Variants in BAZ2B observed in about 807,000 individuals in gnomAD.
BAZ2B encodes the protein bromodomain adjacent to zinc finger domain 2B.
A neutral mutation model predicts 246.0 loss-of-function variants in BAZ2B; 91 were observed. The observed-to-expected ratio is 0.37, with a 90% CI of 0.31 to 0.44. The LOEUF (loss-of-function observed/expected upper bound fraction) is 0.44. Ranked by LOEUF, BAZ2B falls within the 20% of genes least tolerant of loss-of-function variation. The pLI is 1.00. For missense variants in BAZ2B, 2,332 were observed against 2,533.7 expected (o/e 0.92, Z 1.71); for synonymous variants, 855 against 860.0 (o/e 0.99, Z 0.10).
chr2:159,345,053 T>A (rs2149080654), intron 31 of BAZ2B, among the ~76,000 whole-genome samples: 2 of 151,842 alleles, frequency 1.3e-5, no homozygotes, highest in African/African-American at 4.8e-5. Context: ...CTACTAAAAA[T>A]ACAGAAATTA....
the BAZ2B span, chr2:159,690,138 G>C: frequency 6.0e-6 from 3 of 496,630 alleles, no homozygotes; most frequent in South Asian, 2.4e-5. Context: ...TGACTCTTGA[G>C]GCCATCAGAT....
intron 2 of BAZ2B, among the ~76,000 whole-genome samples, chr2:159,541,088 A>ATTG (rs2086606655): frequency 6.6e-6 from 1 of 152,178 alleles, no homozygotes; most frequent in African/African-American, 2.4e-5. Flanking sequence ...GGGGTGATAC[A>ATTG]GATGTTAGAT....
intron 2 of BAZ2B, among the ~76,000 whole-genome samples, chr2:159,503,672 C>T (rs1297572619): frequency 4.6e-5 from 7 of 152,022 alleles, no homozygotes; most frequent in African/African-American, 7.2e-5. Flanking sequence ...CTCCCCCTCC[C>T]GGGTTCAAGC....
the BAZ2B span, among the ~76,000 whole-genome samples, chr2:159,631,225 A>G: frequency 6.6e-6 from 1 of 152,210 alleles, no homozygotes; most frequent in Non-Finnish European, 1.5e-5. Flanking sequence ...ATAAAAAGAA[A>G]AAAATGAATA....
At chr2:159,366,448 A>T (rs898860979) in intron 27 of BAZ2B, among the ~76,000 whole-genome samples, 1 of 152,230 alleles carries the variant, frequency 6.6e-6, no homozygotes. Flanking sequence ...TGAGACCTTT[A>T]ATAGTGACTC....
chr2:159,495,337 T>C (rs2080965396), intron 2 of BAZ2B, among the ~76,000 whole-genome samples: 1 of 149,386 alleles, frequency 6.7e-6, no homozygotes, highest in Non-Finnish European at 1.5e-5. Context: ...TACAAAAAAT[T>C]AGCCGGGCGT....
intron 13 of BAZ2B, among the ~76,000 whole-genome samples, chr2:159,425,050 C>G (rs897509918): frequency 6.6e-6 from 1 of 152,144 alleles, no homozygotes; most frequent in Non-Finnish European, 1.5e-5. Context: ...ATACATGAAG[C>G]TTGGAAAACT....
At chr2:159,455,750 CAGAAATATTGTG>C (rs1236172847) in intron 3 of BAZ2B, among the ~76,000 whole-genome samples, 1 of 133,046 alleles carries the variant, frequency 7.5e-6, no homozygotes, top group Non-Finnish European at 1.6e-5. Flanking sequence ...GATAGGTTAC[CAGAAATATTGTG>C]GTTTTTTTTT....
chr2:159,438,305 G>C lies in BAZ2B; in HGVS notation c.1291C>G (p.Arg431Gly). Residue 431 changes from arginine to glycine, a missense_variant and splice_region_variant, in exon 8 of 37, where the codon CGG (arginine) becomes GGG (glycine). Arg to Gly is a moderately radical substitution (Grantham distance 125). Coordinates refer to ENST00000392783, the MANE Select transcript of BAZ2B (RefSeq NM_013450.4). ...TGTATAAATAATTTGTAACTCACCC[G>C]TTTGGATCTCAATTCACTGGTCAAT... ...SLLTSELRSK[R>G]EQYKQAFPSQ... The C allele has an allele frequency of 6.2e-7, 1 of 1,611,056 alleles. No individual in the cohort carries two copies. Among genetic ancestry groups the C allele is most frequent in the Non-Finnish European group, 8.5e-7 (1 of 1,178,922 alleles).
At chr2:159,513,316 TA>T (rs1271196185) in intron 2 of BAZ2B, among the ~76,000 whole-genome samples, 2 of 152,224 alleles carry the variant, frequency 1.3e-5, no homozygotes, top group African/African-American at 4.8e-5. Flanking sequence ...GTAAAGTAGA[TA>T]ATGCCAAGAT....
At chr2:159,346,570 C>T (rs72955271) in intron 31 of BAZ2B, among the ~76,000 whole-genome samples, 14,010 of 151,826 alleles carry the variant, frequency 0.092, 841 homozygotes, top group African/African-American at 0.17. Flanking sequence ...TGGGGCATCA[C>T]GGCATGTACT....
At chr2:159,615,645 G>GT (rs1559913120) in intron 1 of BAZ2B, 1 of 152,314 alleles carries the variant, frequency 6.6e-6, no homozygotes, top group Non-Finnish European at 1.5e-5. Flanking sequence ...GCGGACGGGG[G>GT]TGGGGGGTGA....
chr2:159,645,661 A>T, the BAZ2B span, among the ~76,000 whole-genome samples: 13 of 152,026 alleles, frequency 8.6e-5, no homozygotes, highest in Non-Finnish European at 1.2e-4. Context: ...CCCGATAGTC[A>T]CGTAGGTTCT....
At chr2:159,390,743 A>G (rs2063232199) in intron 20 of BAZ2B, among the ~76,000 whole-genome samples, 1 of 152,072 alleles carries the variant, frequency 6.6e-6, no homozygotes, top group South Asian at 2.1e-4. Context: ...GTTGCTGAAT[A>G]TTATGATAGC....
intron 13 of BAZ2B, among the ~76,000 whole-genome samples, chr2:159,415,076 T>G (rs763481957): frequency 6.6e-6 from 1 of 152,082 alleles, no homozygotes; most frequent in Non-Finnish European, 1.5e-5. Flanking sequence ...GTCTATATTA[T>G]CAGTCCATCT....
chr2:159,403,853 A>G (rs1012320090), intron 16 of BAZ2B, among the ~76,000 whole-genome samples: 1 of 152,176 alleles, frequency 6.6e-6, no homozygotes, highest in African/African-American at 2.4e-5. Flanking sequence ...TGGAAGAAAT[A>G]AAGACTTAAG....
In BAZ2B at chr2:159,433,040, T is replaced by A. The variant is rs2071435724; in HGVS notation, c.1617A>T (p.Thr539=). ...GATTGCCAGGGGTTCTTCTCCCACTTGTACTCAGATTTACAGGTGAGGAAA... is the reference window on the plus strand; with the variant it reads ...GATTGCCAGGGGTTCTTCTCCCACTAGTACTCAGATTTACAGGTGAGGAAA... ...TPFSSPVNLS[T]SGRRTPGNQT... Residue 539 remains threonine (T), a synonymous_variant, in exon 9 of 37, where the codon ACA becomes ACT. Coordinates refer to ENST00000392783, the MANE Select transcript of BAZ2B (RefSeq NM_013450.4). The A allele has an allele frequency of 6.2e-7, 1 of 1,614,076 alleles. No homozygotes were observed. The highest frequency in any genetic ancestry group is 1.3e-5 in the African/African-American group (1 of 74,932).
At chr2:159,430,504 G>A (rs1369178542) in intron 10 of BAZ2B, among the ~76,000 whole-genome samples, 2 of 152,170 alleles carry the variant, frequency 1.3e-5, no homozygotes, top group African/African-American at 2.4e-5. Flanking sequence ...GTAGATTTTC[G>A]ATTGTGTGTG....
At chr2:159,696,692 T>C in the BAZ2B span, among the ~76,000 whole-genome samples, 9 of 152,336 alleles carry the variant, frequency 5.9e-5, no homozygotes, top group African/African-American at 2.2e-4. Flanking sequence ...CTGGCTAGGA[T>C]TTAGTATGTA....
Sources: gnomAD v4.1 joint callset for allele counts (sites outside exome capture counted in the v4.1 genomes callset) on GRCh38, gnomAD v4.1.1 for gene constraint, MANE v1.5 for transcripts, NCBI Gene and HGNC (gene_info 2026-07-23, HGNC 2026-07-21) for gene names.